SLIT2: variants seen among roughly 807,000 people sequenced by gnomAD.
The protein encoded by SLIT2 is slit homolog 2 protein.
A neutral mutation model predicts 185.7 loss-of-function variants in SLIT2; 41 were observed. The observed-to-expected ratio is 0.22, with a 90% confidence interval of 0.17 to 0.29. SLIT2 has a LOEUF of 0.29. SLIT2 is among the 10% of genes least tolerant of loss of function. SLIT2 has a pLI of 1.00. For missense variants in SLIT2, 1,571 were observed against 1,909.0 expected (o/e 0.82, Z 3.30); for synonymous variants, 693 against 680.2 (o/e 1.02, Z -0.29).
intron 26 of SLIT2, among the ~76,000 whole-genome samples, chr4:20,559,707 T>C (rs1437138767): frequency 6.6e-6 from 1 of 152,004 alleles, no homozygotes; most frequent in Admixed American, 6.6e-5. Flanking sequence ...GAAAATATTG[T>C]ATTTTAGAGT....
At chr4:20,518,557 G>GTGTATATATATATA (rs1271279922) in intron 11 of SLIT2, among the ~76,000 whole-genome samples, 341 of 17,856 alleles carry the variant, frequency 0.019, 54 homozygotes, top group Middle Eastern at 0.12. Context: ...CAGCCTATAT[G>GTGTATATATATATA]TATATATATA....
chr4:20,612,917 C>T (rs932701674), intron 34 of SLIT2, among the ~76,000 whole-genome samples: 1 of 28,102 alleles, frequency 3.6e-5, no homozygotes, highest in Non-Finnish European at 6.0e-5. Flanking sequence ...GACTCCATCT[C>T]CAAAAAAAAA....
At chr4:20,521,123 T>C (rs1207690044) in intron 12 of SLIT2, among the ~76,000 whole-genome samples, 1 of 152,206 alleles carries the variant, frequency 6.6e-6, no homozygotes, top group Non-Finnish European at 1.5e-5. Flanking sequence ...CCCTATCTAC[T>C]ACAAATACGT....
chr4:20,397,482 G>C (rs1725989011), intron 4 of SLIT2, among the ~76,000 whole-genome samples: 1 of 151,684 alleles, frequency 6.6e-6, no homozygotes, highest in South Asian at 2.1e-4. Flanking sequence ...AGAAACTGAA[G>C]GCTGCTTCCC....
At chr4:20,612,445 G>T (rs1004264591) in intron 34 of SLIT2, among the ~76,000 whole-genome samples, 1 of 152,028 alleles carries the variant, frequency 6.6e-6, no homozygotes, top group Non-Finnish European at 1.5e-5. Flanking sequence ...TTTCATCCCA[G>T]TCCCACTGCC....
chr4:20,611,935 T>C (rs1158584705), intron 34 of SLIT2, among the ~76,000 whole-genome samples: 3 of 152,192 alleles, frequency 2.0e-5, no homozygotes, highest in Non-Finnish European at 4.4e-5. Flanking sequence ...CTTCTTCACA[T>C]AAAGCAGAAA....
intron 4 of SLIT2, among the ~76,000 whole-genome samples, chr4:20,293,807 C>A (rs1220289076): frequency 6.6e-6 from 1 of 152,178 alleles, no homozygotes; most frequent in Non-Finnish European, 1.5e-5. Flanking sequence ...CCAAGATTGC[C>A]TGGCCCGTGG....
At chr4:20,316,986 C>T (rs547108711) in intron 4 of SLIT2, among the ~76,000 whole-genome samples, 14 of 149,384 alleles carry the variant, frequency 9.4e-5, no homozygotes, top group African/African-American at 3.2e-4. Flanking sequence ...ATGTGTAAAA[C>T]ACATGGGATT....
intron 5 of SLIT2, among the ~76,000 whole-genome samples, chr4:20,471,321 C>T (rs75796983): frequency 0.07 from 10,643 of 152,114 alleles, 456 homozygotes; most frequent in Admixed American, 0.16. Flanking sequence ...TATATTATAA[C>T]TGAGGGTAAA....
At chr4:20,564,798 C>A (rs998585617) in intron 26 of SLIT2, among the ~76,000 whole-genome samples, 21 of 149,986 alleles carry the variant, frequency 1.4e-4, no homozygotes, top group Admixed American at 1.4e-3. Flanking sequence ...TTTTTTTTAG[C>A]TAAACTGAAC....
intron 4 of SLIT2, among the ~76,000 whole-genome samples, chr4:20,354,619 A>C (rs765182265): frequency 1.3e-5 from 2 of 152,164 alleles, no homozygotes; most frequent in Non-Finnish European, 2.9e-5. Flanking sequence ...GGTACCTTGC[A>C]TGGCTTTTAA....
intron 4 of SLIT2, among the ~76,000 whole-genome samples, chr4:20,357,805 T>C (rs1027788038): frequency 4.6e-5 from 7 of 152,158 alleles, no homozygotes; most frequent in African/African-American, 1.4e-4. Context: ...TTCAGAAATC[T>C]TAATTGTACA....
At chr4:20,283,118 GCGCACA>G (rs1284732207) in intron 4 of SLIT2, among the ~76,000 whole-genome samples, 1 of 113,194 alleles carries the variant, frequency 8.8e-6, no homozygotes, top group Admixed American at 9.9e-5. Flanking sequence ...GTGTGCGCGC[GCGCACA>G]CACACACACA....
intron 4 of SLIT2, among the ~76,000 whole-genome samples, chr4:20,354,902 TGTGTGAGAGAGA>T (rs1367099903): frequency 0.038 from 4,025 of 106,370 alleles, 190 homozygotes; most frequent in African/African-American, 0.12. Flanking sequence ...TGTGTGTGTG[TGTGTGAGAGAGA>T]GAGAGAGAGA....
At chr4:20,571,373 C>T (rs968061750) in intron 29 of SLIT2, among the ~76,000 whole-genome samples, 2 of 152,112 alleles carry the variant, frequency 1.3e-5, no homozygotes, top group African/African-American at 4.8e-5. Context: ...TCTTGTGGGC[C>T]ATGAAGAGTT....
rs1004766739 is a variant in SLIT2 at position 20,368,621 on chromosome 4, T to G, written c.396-99131T>G. On this transcript the variant is annotated intron_variant, in intron 4 of 36. Coordinates refer to ENST00000504154, the MANE Select transcript of SLIT2 (RefSeq NM_004787.4). ...AAATTTGAACACCTGTGCAGGAATC[T>G]GAAAAAATTTCATTCTAAGTAATTC... Among the ~76,000 whole-genome samples, 4 of 152,154 alleles carry G rather than the reference T, an allele frequency of 2.6e-5. No individual in the cohort carries two copies. In the South Asian group the frequency reaches 8.3e-4, roughly 32 times the overall value.
intron 4 of SLIT2, among the ~76,000 whole-genome samples, chr4:20,359,667 T>C (rs566414406): frequency 8.7e-4 from 133 of 152,144 alleles, no homozygotes; most frequent in Non-Finnish European, 1.6e-3. Flanking sequence ...GTTGAATCAG[T>C]ACATTTTGTT....
rs768403924 is a variant in SLIT2, at chr4:20,553,756, T to C, written c.2562-49T>C. On this transcript the variant is annotated intron_variant, in intron 25 of 36. Coordinates refer to ENST00000504154, the MANE Select transcript of SLIT2 (RefSeq NM_004787.4). ...ATACTTGTGTGTGTGTGTGTGTGTGTATGTGTGTGTGTGTATGTGTGTGTG... is the reference window on the plus strand; with the variant it reads ...ATACTTGTGTGTGTGTGTGTGTGTGCATGTGTGTGTGTGTATGTGTGTGTG... The C allele has an allele frequency of 3.3e-5, 47 of 1,407,346 alleles. No individual in the cohort carries two copies. The South Asian group carries it at 6.6e-4, about 20-fold the overall frequency. 87.2% of individuals were successfully genotyped at this position (1,407,346 alleles called of 1,614,324 possible). A position where few individuals can be genotyped will look rare whatever the true frequency, so the allele number is the denominator to read the frequency against.
chr4:20,568,004 G>T (rs544979470), intron 28 of SLIT2, among the ~76,000 whole-genome samples: 1 of 152,142 alleles, frequency 6.6e-6, no homozygotes, highest in South Asian at 2.1e-4. Flanking sequence ...GTAATGACAA[G>T]ATATAGGTCC....
Sources: gnomAD v4.1 joint callset for allele counts (sites outside exome capture counted in the v4.1 genomes callset) on GRCh38, gnomAD v4.1.1 for gene constraint, MANE v1.5 for transcripts, NCBI Gene and HGNC (gene_info 2026-07-23, HGNC 2026-07-21) for gene names.